ASH1L: variants seen among roughly 807,000 people sequenced by gnomAD.
ASH1L encodes the protein histone-lysine N-methyltransferase ASH1L.
Under a neutral mutation model 269.0 loss-of-function variants are expected in ASH1L, and 23 were observed. The ratio of observed to expected loss-of-function variants is 0.09; its 90% CI spans 0.06 to 0.12. The LOEUF (loss-of-function observed/expected upper bound fraction) is 0.12, where lower values mean the gene tolerates loss of function less well. Among genes scored for constraint, ASH1L ranks in the 10% least tolerant of loss-of-function variants. The pLI is 1.00. For missense variants in ASH1L, 2,912 were observed against 3,567.8 expected, an observed-to-expected ratio of 0.82 and a Z score of 4.68; for synonymous variants, 1,187 against 1,253.5, an observed-to-expected ratio of 0.95 and a Z score of 1.12.
chr1:155,422,212 G>A (rs575364425), intron 5 of ASH1L, among the ~76,000 whole-genome samples: 14 of 149,572 alleles, frequency 9.4e-5, no homozygotes, highest in African/African-American at 2.5e-4. Flanking sequence ...ATCTCGGCTC[G>A]CTGCAACCCT....
At chr1:155,510,341 G>A (rs1668086278) in intron 2 of ASH1L, among the ~76,000 whole-genome samples, 1 of 148,994 alleles carries the variant, frequency 6.7e-6, no homozygotes, top group Non-Finnish European at 1.5e-5. Flanking sequence ...TTGAACCCGG[G>A]AGGCGGAGGT....
At chr1:155,370,329 G>A (rs1357184984) in intron 12 of ASH1L, 175 bp downstream of exon 12, 2 of 728,054 alleles carry the variant, frequency 2.7e-6, no homozygotes, top group African/African-American at 1.8e-5. Context: ...ATCTGTCTGG[G>A]AGTGAGAAGT....
At chr1:155,522,129 C>T (rs557199588) in intron 1 of ASH1L, among the ~76,000 whole-genome samples, 73 of 152,268 alleles carry the variant, frequency 4.8e-4, no homozygotes, top group African/African-American at 1.7e-3. Context: ...CGCTATGTAC[C>T]TATAAAAATT....
intron 2 of ASH1L, among the ~76,000 whole-genome samples, chr1:155,491,860 A>G (rs780548723): frequency 1.3e-5 from 2 of 151,466 alleles, no homozygotes; most frequent in Non-Finnish European, 2.9e-5. Flanking sequence ...TTTAGTAGAG[A>G]TGGAGTCTCA....
chr1:155,436,590 G>C (rs1197180176), intron 5 of ASH1L, among the ~76,000 whole-genome samples: 2 of 144,342 alleles, frequency 1.4e-5, no homozygotes, highest in Non-Finnish European at 3.0e-5. Context: ...TCCGCCTCCT[G>C]GGTTCAAGCA....
chr1:155,535,906 G>C (rs543243636), intron 1 of ASH1L, among the ~76,000 whole-genome samples: 1 of 151,996 alleles, frequency 6.6e-6, no homozygotes, highest in East Asian at 1.9e-4. Context: ...GCTGAGGCAG[G>C]AGAATCTCTT....
chr1:155,517,439 G>C (rs1668567187), intron 2 of ASH1L, among the ~76,000 whole-genome samples: 1 of 152,090 alleles, frequency 6.6e-6, no homozygotes, highest in Admixed American at 6.6e-5. Context: ...GACCAGCCTG[G>C]CCAACATGGT....
intron 4 of ASH1L, among the ~76,000 whole-genome samples, chr1:155,446,035 C>CTTT (rs77905341): frequency 8.3e-6 from 1 of 119,998 alleles, no homozygotes; most frequent in East Asian, 2.4e-4. Flanking sequence ...CTACACTGTA[C>CTTT]TTTTTTTTTT....
chr1:155,530,849 C>A (rs1669626413), intron 1 of ASH1L, among the ~76,000 whole-genome samples: 1 of 152,036 alleles, frequency 6.6e-6, no homozygotes, highest in Non-Finnish European at 1.5e-5. Flanking sequence ...GAGGTCGAGG[C>A]TGCAGTGAGC....
intron 4 of ASH1L, among the ~76,000 whole-genome samples, chr1:155,459,133 CTTAA>C (rs1479580961): frequency 6.6e-6 from 1 of 151,960 alleles, no homozygotes; most frequent in Non-Finnish European, 1.5e-5. Context: ...CTCATGAACT[CTTAA>C]TTATTTTGCA....
intron 2 of ASH1L, among the ~76,000 whole-genome samples, chr1:155,492,466 T>C (rs1297022372): frequency 1.3e-5 from 2 of 152,224 alleles, no homozygotes; most frequent in Non-Finnish European, 2.9e-5. Flanking sequence ...TCTAAAAATA[T>C]AATCTGGGGG....
intron 12 of ASH1L, among the ~76,000 whole-genome samples, chr1:155,368,078 C>A (rs1321543245): frequency 6.6e-6 from 1 of 152,186 alleles, no homozygotes; most frequent in African/African-American, 2.4e-5. Flanking sequence ...TCACAGGAAA[C>A]TACAGCCTCG....
intron 4 of ASH1L, among the ~76,000 whole-genome samples, chr1:155,459,435 A>G (rs1367475415): frequency 3.3e-5 from 5 of 152,188 alleles, no homozygotes; most frequent in Non-Finnish European, 7.4e-5. Context: ...ATCTCAGGTG[A>G]TCCACCCACC....
intron 12 of ASH1L, among the ~76,000 whole-genome samples, chr1:155,361,512 A>G (rs1654936587): frequency 3.4e-5 from 3 of 88,308 alleles, no homozygotes; most frequent in Non-Finnish European, 4.3e-5. Context: ...GTGAGACTCC[A>G]TCTCACAAAA....
chr1:155,461,948 G>A (rs1016900511), intron 3 of ASH1L, among the ~76,000 whole-genome samples: 2 of 151,932 alleles, frequency 1.3e-5, no homozygotes, highest in African/African-American at 2.4e-5. Flanking sequence ...ACAGGCATGG[G>A]CCACCATGCC....
At chr1:155,402,957 C>T (rs1394226958) in intron 6 of ASH1L, among the ~76,000 whole-genome samples, 1 of 148,984 alleles carries the variant, frequency 6.7e-6, no homozygotes, top group Non-Finnish European at 1.5e-5. Flanking sequence ...GTGGGTGGAT[C>T]ACCTAAGGTC....
At chr1:155,422,701 T>A (rs1306332652) in intron 5 of ASH1L, among the ~76,000 whole-genome samples, 6 of 150,994 alleles carry the variant, frequency 4.0e-5, no homozygotes. Context: ...GAGGCTGGAG[T>A]GCAGTGGCGT....
chr1:155,395,606 G>T, intron 6 of ASH1L, 53 bp from the exon 7 acceptor site: 1 of 1,338,118 alleles, frequency 7.5e-7, no homozygotes, highest in Non-Finnish European at 1.1e-6. Context: ...ATTTCCTCCT[G>T]TGGTCAAATA....
intron 10 of ASH1L, among the ~76,000 whole-genome samples, chr1:155,371,694 CTTTTTTT>C (rs1269263101): frequency 1.5e-5 from 2 of 137,432 alleles, no homozygotes; most frequent in Non-Finnish European, 3.2e-5. Flanking sequence ...ACCTAATTTA[CTTTTTTT>C]TTTTTTTTTT....
Sources: allele counts gnomAD v4.1 joint callset (sites outside exome capture counted in the v4.1 genomes callset), GRCh38; gene constraint gnomAD v4.1.1; transcripts MANE v1.5; gene names NCBI Gene and HGNC (gene_info 2026-07-23, HGNC 2026-07-21).